VAV1: variants seen among roughly 807,000 people sequenced by gnomAD.
VAV1 encodes the protein proto-oncogene vav.
A neutral mutation model predicts 128.1 loss-of-function variants in VAV1; 33 were observed. The observed-to-expected ratio is 0.26, with a 90% CI of 0.20 to 0.34. VAV1 has a LOEUF of 0.34. VAV1 is among the 10% of genes least tolerant of loss of function. The pLI is 1.00. For missense variants in VAV1, 715 were observed against 1,093.7 expected (o/e 0.65, Z 4.88); for synonymous variants, 394 against 409.8 (o/e 0.96, Z 0.47).
At chr19:6,853,646 A>G (rs112688437) in intron 25 of VAV1, among the ~76,000 whole-genome samples, 5,835 of 151,580 alleles carry the variant, frequency 0.038, 406 homozygotes, top group African/African-American at 0.13. Context: ...CAGGAGAATC[A>G]CTTGAACCCA....
intron 1 of VAV1, among the ~76,000 whole-genome samples, chr19:6,786,151 C>A (rs1181069594): frequency 6.6e-6 from 1 of 152,114 alleles, no homozygotes; most frequent in Non-Finnish European, 1.5e-5. Context: ...GGATTTTTGT[C>A]TATTTTACGT....
chr19:6,816,017 A>ATTTTT lies in VAV1; in HGVS notation c.205-4669_205-4665dup, dbSNP rs1157742259. On this transcript the variant is annotated intron_variant, in intron 1 of 26. Transcript: ENST00000602142. ...ATAATGAAACTCTCTGTCTCTACAAATTTTTTTTTTTTTTTTTTTTGAGAC... is the reference window on the plus strand; with the variant it reads ...ATAATGAAACTCTCTGTCTCTACAAATTTTTTTTTTTTTTTTTTTTTTTTTGAGAC... Among the ~76,000 whole-genome samples the ATTTTT allele has an allele frequency of 4.5e-5, 6 of 133,774 alleles. No homozygotes were observed. In the East Asian group the frequency reaches 8.5e-4, roughly 19 times the overall value. The allele number at this position is 133,774 out of a possible 152,430, so 87.8% of individuals were successfully genotyped here. A position where few individuals can be genotyped will look rare whatever the true frequency, so the allele number is the denominator to read the frequency against.
rs140267055 is a variant in VAV1, at chr19:6,833,921, G to T, written c.1745G>T (p.Arg582Leu). ...PGTMKKDKLHRRAQDKKRNEL... is the reference protein window; with the variant it reads ...PGTMKKDKLHLRAQDKKRNEL... ...TTCTCCTTCCAGGACAAACTACATC[G>T]CAGGGCTCAGGACAAAAAGAGGAAT... Residue 582 changes from arginine (R) to leucine (L), a missense_variant, in exon 19 of 27, where the codon CGC becomes CTC. Physicochemically the swap from Arg to Leu is moderately radical, Grantham distance 102. Transcript: ENST00000602142. The T allele has an allele frequency of 2.5e-6, 4 of 1,613,898 alleles. No individual in the cohort carries two copies. Among genetic ancestry groups the T allele is most frequent in the Non-Finnish European group, 2.5e-6 (3 of 1,180,022 alleles).
In VAV1 at chr19:6,843,136, G is replaced by A; in HGVS notation, c.1982G>A (p.Gly661Asp). The A allele has an allele frequency of 6.2e-7, 1 of 1,614,070 alleles. No individual in the cohort carries two copies. Among genetic ancestry groups the A allele is most frequent in the South Asian group, 1.1e-5 (1 of 91,076 alleles). ...PCNRVKPYVH[G>D]PPQDLSVHLW... ...TGGGGTCTCTCTCTGTATTCTTAGG[G>A]CCCTCCTCAGGACCTGTCTGTTCAT... The change falls in exon 22 of 27, where the codon GGC becomes GAC. Residue 661 changes from glycine (G) to aspartate (D), a missense_variant and splice_region_variant. Gly to Asp is a moderately conservative substitution (Grantham distance 94, BLOSUM62 -1). Transcript: ENST00000602142.
chr19:6,773,160 T>G, intron 1 of VAV1, 149 bp downstream of exon 1: 1 of 1,102,716 alleles, frequency 9.1e-7, no homozygotes, highest in East Asian at 2.6e-5. Context: ...CAGGGGGTGG[T>G]CACAATCTGA....
intron 23 of VAV1, among the ~76,000 whole-genome samples, chr19:6,849,119 A>G (rs1422475883): frequency 6.6e-6 from 1 of 151,312 alleles, no homozygotes; most frequent in Non-Finnish European, 1.5e-5. Context: ...TTTTAGAATC[A>G]GAGGGCACAT....
At position 6,820,896 on chromosome 19, in the gene VAV1, T is replaced by A. The variant is rs922597734; in HGVS notation, c.321+78T>A. On this transcript the variant is annotated intron_variant, in intron 2 of 26. Coordinates refer to ENST00000602142, the MANE Select transcript of VAV1 (RefSeq NM_005428.4). This position sits in a 1 kb window ranked among gnomAD's most constrained non-coding sequence, Gnocchi z 4.4. ...CGTCTACACTGGGCAAGCTAAGGACTGTCAGGGGACAGGCAGACAAGCCAG... is the reference window on the plus strand; with the variant it reads ...CGTCTACACTGGGCAAGCTAAGGACAGTCAGGGGACAGGCAGACAAGCCAG... 1.0e-5 allele frequency: 14 copies of A among 1,392,770 alleles called. No individual in the cohort carries two copies. Among genetic ancestry groups the A allele is most frequent in the Non-Finnish European group, 1.4e-5 (14 of 983,298 alleles). The allele number at this position is 1,392,770 out of a possible 1,614,324, so 86.3% of individuals were successfully genotyped here.
At chr19:6,803,870 A>G (rs1971327064) in intron 1 of VAV1, among the ~76,000 whole-genome samples, 1 of 152,134 alleles carries the variant, frequency 6.6e-6, no homozygotes, top group Non-Finnish European at 1.5e-5. Context: ...CAGCGCAGAC[A>G]ATGGAATATT....
intron 1 of VAV1, chr19:6,784,046 G>C (rs1446472295): frequency 9.9e-6 from 4 of 402,448 alleles, no homozygotes; most frequent in Non-Finnish European, 1.8e-5. Context: ...TTGAGGCTAG[G>C]AATTCGAGAC....
chr19:6,789,357 A>C (rs2144710089), intron 1 of VAV1, among the ~76,000 whole-genome samples: 1 of 150,750 alleles, frequency 6.6e-6, no homozygotes, highest in East Asian at 2.0e-4. Context: ...GGTTCACGCC[A>C]TTCTCCTGCC....
At chr19:6,825,889 T>G (rs1971904940) in intron 8 of VAV1, among the ~76,000 whole-genome samples, 1 of 150,866 alleles carries the variant, frequency 6.6e-6, no homozygotes, top group Non-Finnish European at 1.5e-5. Flanking sequence ...AAAATACAAC[T>G]AAAAATACAA....
intron 19 of VAV1, among the ~76,000 whole-genome samples, chr19:6,835,485 A>G (rs922847377): frequency 3.9e-5 from 6 of 152,150 alleles, no homozygotes; most frequent in African/African-American, 1.4e-4. Context: ...GCTAGTTGCT[A>G]CCATATTGGA....
chr19:6,838,093 G>GTCTATCTA lies in VAV1; in HGVS notation c.1980+1046_1980+1047insATCTATCT, dbSNP rs752424814. Among the ~76,000 whole-genome samples the GTCTATCTA allele has an allele frequency of 7.2e-3, 728 of 101,326 alleles. 3 individuals carry two copies. Among genetic ancestry groups the GTCTATCTA allele is most frequent in the Non-Finnish European group, 0.011 (507 of 44,180 alleles). The allele number at this position is 101,326 out of a possible 152,430, so 66.5% of individuals were successfully genotyped here. ...CCTTTCTGCCCTCATCTGTCTGTCT[G>GTCTATCTA]TCTGTCTATCTATCTATCTATCTAT... is the stretch of plus-strand genomic sequence containing the variant. On this transcript the variant is annotated intron_variant, in intron 21 of 26. Transcript: ENST00000602142.
chr19:6,831,119 C>T (rs1044617794), intron 14 of VAV1, among the ~76,000 whole-genome samples: 1 of 151,956 alleles, frequency 6.6e-6, no homozygotes, highest in Non-Finnish European at 1.5e-5. Context: ...GGAGATGTGG[C>T]TGTGGTAGGT....
At chr19:6,796,211 G>A (rs747556837) in intron 1 of VAV1, among the ~76,000 whole-genome samples, 2 of 152,170 alleles carry the variant, frequency 1.3e-5, no homozygotes, top group Non-Finnish European at 2.9e-5. Flanking sequence ...CAAGGATATG[G>A]GTCTACTGCC....
intron 24 of VAV1, among the ~76,000 whole-genome samples, chr19:6,852,745 G>C (rs951938743): frequency 6.6e-6 from 1 of 150,402 alleles, no homozygotes; most frequent in Non-Finnish European, 1.5e-5. Context: ...AAGAAAGAAA[G>C]AACCTGTTTT....
At chr19:6,827,083 C>A in intron 9 of VAV1, 1 of 256,428 alleles carries the variant, frequency 3.9e-6, no homozygotes, top group Non-Finnish European at 7.9e-6. Flanking sequence ...TGAACTTGAT[C>A]TTGAACTGAA....
At chr19:6,833,366 C>A in intron 16 of VAV1, 81 bp downstream of exon 16, 3 of 1,467,128 alleles carry the variant, frequency 2.0e-6, no homozygotes, top group South Asian at 1.3e-5. Context: ...GTAATTGGTT[C>A]CCTAAATTGG....
intron 1 of VAV1, among the ~76,000 whole-genome samples, chr19:6,812,538 TA>T (rs1420536072): frequency 6.6e-6 from 1 of 152,006 alleles, no homozygotes; most frequent in Non-Finnish European, 1.5e-5. Flanking sequence ...TGGGCGCCTG[TA>T]ATCCCAGCTG....
Sources: gnomAD v4.1 joint callset for allele counts (sites outside exome capture counted in the v4.1 genomes callset) on GRCh38, gnomAD v4.1.1 for gene constraint, Gnocchi (gnomAD v3.1) non-coding constraint, MANE v1.5 for transcripts, NCBI Gene and HGNC (gene_info 2026-07-23, HGNC 2026-07-21) for gene names.